Variants in SCFD2 observed in about 807,000 individuals in gnomAD.
SCFD2 encodes the protein sec1 family domain containing 2, also known as sec1 family domain-containing protein 2.
A neutral mutation model predicts 58.9 loss-of-function variants in SCFD2; 54 were observed. The ratio of observed to expected loss-of-function variants is 0.92; its 90% CI spans 0.74 to 1.15. The LOEUF (loss-of-function observed/expected upper bound fraction) is 1.15. SCFD2 is among the 50% of genes most tolerant of loss of function. The pLI is 0.00. For missense variants in SCFD2, 805 were observed against 836.6 expected (o/e 0.96, Z 0.47); for synonymous variants, 321 against 335.9 (o/e 0.96, Z 0.49).
chr4:53,051,693 G>T (rs905508563), intron 5 of SCFD2, among the ~76,000 whole-genome samples: 1 of 152,152 alleles, frequency 6.6e-6, no homozygotes, highest in Non-Finnish European at 1.5e-5. Context: ...ATATAAAGTG[G>T]CGCTAACTGC....
At chr4:52,959,129 C>T (rs1720782478) in intron 5 of SCFD2, among the ~76,000 whole-genome samples, 1 of 152,160 alleles carries the variant, frequency 6.6e-6, no homozygotes, top group South Asian at 2.1e-4. Context: ...TGTTTAACCA[C>T]TATGCTATGA....
At chr4:52,890,930 G>A (rs1718865172) in intron 7 of SCFD2, among the ~76,000 whole-genome samples, 1 of 151,866 alleles carries the variant, frequency 6.6e-6, no homozygotes, top group South Asian at 2.1e-4. Flanking sequence ...CCTCCACATG[G>A]TGCTCCTCCA....
intron 4 of SCFD2, among the ~76,000 whole-genome samples, chr4:53,207,525 A>T (rs1458988620): frequency 2.3e-5 from 1 of 42,762 alleles, no homozygotes; most frequent in African/African-American, 1.2e-4. Context: ...TTATATATAT[A>T]ATATTTATAT....
chr4:53,054,333 T>A (rs1033965742), intron 5 of SCFD2, among the ~76,000 whole-genome samples: 6 of 152,224 alleles, frequency 3.9e-5, no homozygotes, highest in African/African-American at 1.4e-4. Flanking sequence ...ATTAGCATTC[T>A]GCATTTTAGT....
At chr4:53,119,801 A>G (rs1186062269) in intron 5 of SCFD2, among the ~76,000 whole-genome samples, 1 of 152,240 alleles carries the variant, frequency 6.6e-6, no homozygotes, top group South Asian at 2.1e-4. Flanking sequence ...GGGGCCAATC[A>G]GCAGTGACAT....
intron 4 of SCFD2, among the ~76,000 whole-genome samples, chr4:53,244,829 A>ATAAT (rs139451703): frequency 4.0e-5 from 6 of 150,346 alleles, no homozygotes; most frequent in East Asian, 1.9e-4. Flanking sequence ...TGAAAAAAAA[A>ATAAT]AATAATAATA....
intron 5 of SCFD2, among the ~76,000 whole-genome samples, chr4:53,065,633 AG>A (rs1354409104): frequency 6.6e-5 from 10 of 152,132 alleles, no homozygotes; most frequent in African/African-American, 1.9e-4. Flanking sequence ...ACATTATTCA[AG>A]AGCATTACTA....
rs1444890390 is a variant in SCFD2, at chr4:53,365,928, C to T, written c.14G>A (p.Gly5Asp). 3 of 1,538,346 alleles carry T rather than the reference C, an allele frequency of 2.0e-6. No homozygotes were observed. The highest frequency in any genetic ancestry group is 2.7e-5 in the African/African-American group (2 of 72,738). The stretch of plus-strand genomic sequence containing the variant: ...TCCTTGCTGGGTAAAGGACAGTACG[C>T]CCGAGGCGCTCATGGTTGGGGATTC... MSAS[G>D]VLSFTQQGWE... is the part of the protein sequence containing the mutation. Residue 5 changes from glycine (G) to aspartate (D), a missense_variant, in exon 1 of 9, where the codon GGC becomes GAC. By Grantham distance (94) the Gly-to-Asp change is moderately conservative. Transcript: ENST00000401642. This position sits in a 1 kb window ranked among gnomAD's most constrained non-coding sequence, Gnocchi z 4.3.
At chr4:53,096,351 T>G (rs1291238984) in intron 5 of SCFD2, among the ~76,000 whole-genome samples, 3 of 152,164 alleles carry the variant, frequency 2.0e-5, no homozygotes, top group Admixed American at 6.6e-5. Context: ...CAAAGTGTTC[T>G]TATTTCTCCA....
chr4:52,913,014 T>G (rs1407924985), intron 6 of SCFD2, among the ~76,000 whole-genome samples: 2 of 152,194 alleles, frequency 1.3e-5, no homozygotes, highest in East Asian at 3.8e-4. Context: ...AATCAAACAC[T>G]CTCTGCCAGT....
chr4:53,350,671 A>G (rs577579409), intron 2 of SCFD2, among the ~76,000 whole-genome samples: 2 of 152,312 alleles, frequency 1.3e-5, no homozygotes, highest in South Asian at 4.1e-4. Flanking sequence ...GACCCTTCAC[A>G]TAGATAGCAT....
chr4:53,217,597 A>G (rs1051257637), intron 4 of SCFD2, among the ~76,000 whole-genome samples: 1 of 152,058 alleles, frequency 6.6e-6, no homozygotes, highest in Admixed American at 6.6e-5. Context: ...TCTTTATCCA[A>G]TTTGCCAGTC....
chr4:53,009,322 G>A (rs1722046443), intron 5 of SCFD2, among the ~76,000 whole-genome samples: 1 of 152,132 alleles, frequency 6.6e-6, no homozygotes, highest in Non-Finnish European at 1.5e-5. Flanking sequence ...ATAAACAAAG[G>A]ATTACATGGT....
intron 5 of SCFD2, among the ~76,000 whole-genome samples, chr4:53,081,093 C>A (rs1724133969): frequency 6.6e-6 from 1 of 152,122 alleles, no homozygotes; most frequent in Non-Finnish European, 1.5e-5. Flanking sequence ...GTAAATGCAA[C>A]ACATGATTAA....
At chr4:53,138,122 T>A (rs891563073) in intron 5 of SCFD2, among the ~76,000 whole-genome samples, 2 of 152,062 alleles carry the variant, frequency 1.3e-5, no homozygotes, top group Non-Finnish European at 2.9e-5. Context: ...ATAATGGTGG[T>A]GGGAGAAAAA....
intron 4 of SCFD2, among the ~76,000 whole-genome samples, chr4:53,267,326 T>G (rs1731019715): frequency 6.6e-6 from 1 of 152,130 alleles, no homozygotes; most frequent in Non-Finnish European, 1.5e-5. Flanking sequence ...AACCAAAGCC[T>G]GTAAAAGGGG....
At chr4:53,084,502 G>C (rs1724246219) in intron 5 of SCFD2, among the ~76,000 whole-genome samples, 1 of 152,174 alleles carries the variant, frequency 6.6e-6, no homozygotes, top group Non-Finnish European at 1.5e-5. Flanking sequence ...CAGTGGTCCT[G>C]AGGTGACGTA....
chr4:53,087,958 C>T (rs1724361485), intron 5 of SCFD2, among the ~76,000 whole-genome samples: 1 of 152,060 alleles, frequency 6.6e-6, no homozygotes. Flanking sequence ...CATGCCCGGC[C>T]CCAAAACTAT....
At position 53,321,964 on chromosome 4, in the gene SCFD2, C is replaced by G. The variant is rs550882638; in HGVS notation, c.1008-8201G>C. 3.3e-5 allele frequency among the ~76,000 whole-genome samples: 5 copies of G among 152,278 alleles called. No homozygotes were observed. The South Asian group carries it at 1.0e-3, about 32-fold the overall frequency. On this transcript the variant is annotated intron_variant, in intron 2 of 8. Coordinates refer to ENST00000401642, the MANE Select transcript of SCFD2 (RefSeq NM_152540.4). ...ACCCTGCCTGCATGGAGCTAGCCAT[C>G]TAGCAGGGAAGGTGAAACTGAGCAC...
Sources: gnomAD v4.1 joint callset for allele counts (sites outside exome capture counted in the v4.1 genomes callset) on GRCh38, gnomAD v4.1.1 for gene constraint, Gnocchi (gnomAD v3.1) non-coding constraint, MANE v1.5 for transcripts, NCBI Gene and HGNC (gene_info 2026-07-23, HGNC 2026-07-21) for gene names.